Variants in MCTP1 observed in about 807,000 individuals in gnomAD.
MCTP1 encodes the protein multiple C2 and transmembrane domain containing 1.
In MCTP1, 69 loss-of-function variants were observed where a neutral mutation model predicts 120.6. The observed-to-expected ratio is 0.57, with a 90% CI of 0.47 to 0.70. MCTP1 has a LOEUF of 0.70. MCTP1 is among the 30% of genes least tolerant of loss of function. The probability of loss-of-function intolerance (pLI) is 0.00; values close to 1 mark genes in which losing one functional copy is unlikely to be tolerated. For missense variants in MCTP1, 1,203 were observed against 1,248.8 expected (o/e 0.96, Z 0.55); for synonymous variants, 529 against 493.1 (o/e 1.07, Z -0.96).
At chr5:94,720,129 A>G (rs1760544612) in intron 19 of MCTP1, among the ~76,000 whole-genome samples, 1 of 152,016 alleles carries the variant, frequency 6.6e-6, no homozygotes, top group Admixed American at 6.5e-5. Context: ...TCCTCTCAAA[A>G]AAAATAAATA....
At chr5:94,948,133 A>C (rs1380989200) in intron 3 of MCTP1, among the ~76,000 whole-genome samples, 2 of 152,142 alleles carry the variant, frequency 1.3e-5, no homozygotes, top group African/African-American at 4.8e-5. Context: ...ACAAAACCTA[A>C]CTATGACCTT....
intron 1 of MCTP1, chr5:95,081,703 A>G: frequency 7.8e-7 from 1 of 1,282,660 alleles, no homozygotes; most frequent in Non-Finnish European, 9.9e-7. Flanking sequence ...ACAGGATATG[A>G]CTCAACTCTC....
intron 21 of MCTP1, 96 bp from the exon 22 acceptor site, chr5:94,708,705 T>A (rs994684178): frequency 1.4e-5 from 10 of 695,334 alleles, no homozygotes; most frequent in Non-Finnish European, 2.3e-5. Context: ...AATGAACCAA[T>A]ACACCCAGTT....
intron 2 of MCTP1, among the ~76,000 whole-genome samples, chr5:95,005,693 T>C (rs1186232150): frequency 3.3e-5 from 5 of 151,976 alleles, no homozygotes; most frequent in Non-Finnish European, 5.9e-5. Flanking sequence ...GACTGTAAAT[T>C]TCCTGAGGCC....
At chr5:95,185,953 G>T (rs1323793435) in intron 1 of MCTP1, among the ~76,000 whole-genome samples, 1 of 152,072 alleles carries the variant, frequency 6.6e-6, no homozygotes, top group Non-Finnish European at 1.5e-5. Context: ...TCATGCCACT[G>T]CACTCAAGCC....
chr5:95,006,401 A>G (rs1300355547), intron 2 of MCTP1, among the ~76,000 whole-genome samples: 3 of 152,010 alleles, frequency 2.0e-5, no homozygotes, highest in African/African-American at 7.2e-5. Context: ...ATCATAGACT[A>G]TATGAAATAA....
chr5:95,058,901 A>C (rs1048335926), intron 1 of MCTP1, among the ~76,000 whole-genome samples: 3 of 152,242 alleles, frequency 2.0e-5, no homozygotes, highest in Middle Eastern at 3.4e-3. Context: ...GGTCTACTCA[A>C]CAATGCCTCC....
chr5:94,965,821 A>C (rs1581611219), intron 2 of MCTP1, among the ~76,000 whole-genome samples: 1 of 152,154 alleles, frequency 6.6e-6, no homozygotes, highest in Non-Finnish European at 1.5e-5. Context: ...ACCTTATAAA[A>C]GGATTTGAGG....
At chr5:95,239,893 C>T (rs1364995064) in intron 1 of MCTP1, among the ~76,000 whole-genome samples, 1 of 151,932 alleles carries the variant, frequency 6.6e-6, no homozygotes, top group Non-Finnish European at 1.5e-5. Context: ...TTTATTATGT[C>T]AAATTGAAGA....
chr5:95,103,091 A>G (rs2152374959), intron 1 of MCTP1, among the ~76,000 whole-genome samples: 1 of 152,008 alleles, frequency 6.6e-6, no homozygotes, highest in African/African-American at 2.4e-5. Context: ...TATACTTAAC[A>G]AAGACTGTTA....
chr5:95,252,442 T>C (rs1037328274), intron 1 of MCTP1, among the ~76,000 whole-genome samples: 15 of 152,142 alleles, frequency 9.9e-5, no homozygotes, highest in African/African-American at 3.6e-4. Flanking sequence ...CAGAGCCTTA[T>C]TTAGTTTTTA....
chr5:95,227,885 T>C (rs1003992104), intron 1 of MCTP1, among the ~76,000 whole-genome samples: 1 of 152,136 alleles, frequency 6.6e-6, no homozygotes, highest in Non-Finnish European at 1.5e-5. Context: ...GCTTATTATC[T>C]AGTTGGGTGG....
intron 17 of MCTP1, among the ~76,000 whole-genome samples, chr5:94,861,184 C>G (rs1490157107): frequency 6.6e-6 from 1 of 151,846 alleles, no homozygotes; most frequent in Non-Finnish European, 1.5e-5. Context: ...AGAGTCATCA[C>G]TCACAGACCC....
intron 19 of MCTP1, among the ~76,000 whole-genome samples, chr5:94,732,313 T>C (rs1282395451): frequency 6.6e-6 from 1 of 152,158 alleles, no homozygotes; most frequent in East Asian, 1.9e-4. Context: ...CTTAAAACAT[T>C]ATGAGACTTC....
At chr5:95,090,301 T>C (rs1466592238) in intron 1 of MCTP1, among the ~76,000 whole-genome samples, 1 of 152,182 alleles carries the variant, frequency 6.6e-6, no homozygotes, top group Non-Finnish European at 1.5e-5. Flanking sequence ...TTAGCTTTCT[T>C]TTTGGCCAAT....
At chr5:94,834,451 C>T (rs1244427216) in intron 17 of MCTP1, among the ~76,000 whole-genome samples, 1 of 152,128 alleles carries the variant, frequency 6.6e-6, no homozygotes, top group Non-Finnish European at 1.5e-5. Flanking sequence ...CATCTGATTC[C>T]CAAGGCACAA....
chr5:95,252,219 T>G (rs1757450028), intron 1 of MCTP1, among the ~76,000 whole-genome samples: 2 of 152,108 alleles, frequency 1.3e-5, no homozygotes, highest in South Asian at 4.1e-4. Flanking sequence ...ACCATGTGTG[T>G]TACTAATTGG....
chr5:94,931,075 T>C (rs1033760231), intron 6 of MCTP1: 1 of 152,084 alleles, frequency 6.6e-6, no homozygotes, highest in Non-Finnish European at 1.5e-5. Context: ...TTCAAACAGA[T>C]TAAGTCATTA....
chr5:95,258,953 T>C (rs1405822855), intron 1 of MCTP1, among the ~76,000 whole-genome samples: 1 of 152,190 alleles, frequency 6.6e-6, no homozygotes, highest in African/African-American at 2.4e-5. Flanking sequence ...CTTGTAGCTA[T>C]GGGAGCAGAA....
Sources: gnomAD v4.1 joint callset for allele counts (sites outside exome capture counted in the v4.1 genomes callset) on GRCh38, gnomAD v4.1.1 for gene constraint, MANE v1.5 for transcripts, NCBI Gene and HGNC (gene_info 2026-07-23, HGNC 2026-07-21) for gene names.